Variants in H1-4 observed in about 807,000 individuals in gnomAD.
The protein encoded by H1-4 is histone H1.4.
H1-4 carries 9 observed loss-of-function variants against 7.2 expected under a neutral mutation model. The observed-to-expected ratio is 1.25, with a 90% CI of 0.75 to 2.18. H1-4 has a LOEUF of 2.18. H1-4 is among the 30% of genes most tolerant of loss of function. The probability of loss-of-function intolerance (pLI) is 0.00; values close to 1 mark genes in which losing one functional copy is unlikely to be tolerated. For synonymous variants in H1-4, 318 were observed against 126.6 expected, an observed-to-expected ratio of 2.51 and a Z score of -10.15; for missense variants, 646 against 287.9, an observed-to-expected ratio of 2.24 and a Z score of -9.00.
chr6:26,156,853 C>A lies in H1-4; in HGVS notation c.463C>A (p.Pro155Thr), dbSNP rs1248841418. The A allele has an allele frequency of 6.2e-7, 1 of 1,607,412 alleles. No homozygotes were observed. The highest frequency in any genetic ancestry group is 1.7e-5 in the Admixed American group (1 of 58,562). Residue 155 changes from proline (P) to threonine (T), a missense_variant, in exon 1 of 1, where the codon CCA becomes ACA. By Grantham distance (38) the Pro-to-Thr change is conservative. Coordinates refer to ENST00000304218, the MANE Select transcript of H1-4 (RefSeq NM_005321.3). ...CCCCAAGAAGAGCGCCAAGAAGACC[C>A]CAAAGAAGGCGAAGAAGCCGGCTGC... is the stretch of plus-strand genomic sequence containing the variant. ...ATPKKSAKKTPKKAKKPAAAA... is the reference protein window; with the variant it reads ...ATPKKSAKKTTKKAKKPAAAA...
In H1-4 at chr6:26,156,788, G is replaced by C; in HGVS notation, c.398G>C (p.Gly133Ala). The C allele has an allele frequency of 1.9e-6, 3 of 1,611,840 alleles. No individual in the cohort carries two copies. The highest frequency in any genetic ancestry group is 8.5e-7 in the Non-Finnish European group (1 of 1,179,008). The stretch of plus-strand genomic sequence containing the variant: ...GCGGCCAAGGCCAAGAAGCCAGCAG[G>C]AGCGGCGAAGAAGCCCAAGAAGGCG... ...AGAAKAKKPA[G>A]AAKKPKKATG... The change falls in exon 1 of 1, where the codon GGA becomes GCA. Residue 133 changes from glycine to alanine, a missense_variant. Physicochemically the swap from Gly to Ala is moderately conservative, Grantham distance 60. Coordinates refer to ENST00000304218, the MANE Select transcript of H1-4 (RefSeq NM_005321.3).
rs144176456 is a variant in H1-4 at position 26,156,630 on chromosome 6, C to T, written c.240C>T (p.Ile80=). The T allele has an allele frequency of 1.3e-5, 21 of 1,614,250 alleles. No homozygotes were observed. The highest frequency in any genetic ancestry group is 2.2e-5 in the South Asian group (2 of 91,086). ...GYDVEKNNSR[I]KLGLKSLVSK... is the part of the protein sequence containing the mutation. ...ACGTGGAGAAGAACAACAGCCGCAT[C>T]AAGCTGGGTCTCAAGAGCCTGGTGA... Residue 80 remains isoleucine (I), a synonymous_variant, in exon 1 of 1, where the codon ATC becomes ATT. Coordinates refer to ENST00000304218, the MANE Select transcript of H1-4 (RefSeq NM_005321.3).
Position 26,157,080 on chromosome 6 carries a change from C to T in H1-4, c.*30C>T. ...TTCCTTTGGCCAACTGCTTAGAAGC[C>T]CAACACAACCCAAAGGCTCTTTTCA... On this transcript the variant is annotated 3_prime_UTR_variant, in exon 1 of 1. Coordinates refer to ENST00000304218, the MANE Select transcript of H1-4 (RefSeq NM_005321.3). The T allele has an allele frequency of 6.4e-7, 1 of 1,565,580 alleles. No individual in the cohort carries two copies. The highest frequency in any genetic ancestry group is 8.6e-7 in the Non-Finnish European group (1 of 1,165,496).
Position 26,156,869 on chromosome 6 carries a change from A to C in H1-4, c.479A>C (p.Lys160Thr). 6.2e-7 allele frequency: 1 copy of C among 1,607,848 alleles called. No individual in the cohort carries two copies. The highest frequency in any genetic ancestry group is 8.5e-7 in the Non-Finnish European group (1 of 1,177,860). Residue 160 changes from lysine (K) to threonine (T), a missense_variant, in exon 1 of 1, where the codon AAG becomes ACG. Transcript: ENST00000304218. Reference protein sequence around the residue: ...SAKKTPKKAKKPAAAAGAKKA... With the variant: ...SAKKTPKKAKTPAAAAGAKKA... ...AAGAAGACCCCAAAGAAGGCGAAGAAGCCGGCTGCAGCTGCTGGAGCCAAA... is the reference window on the plus strand; with the variant it reads ...AAGAAGACCCCAAAGAAGGCGAAGACGCCGGCTGCAGCTGCTGGAGCCAAA...
Position 26,156,654 on chromosome 6 carries a change from G to A in H1-4, c.264G>A (p.Val88=), listed in dbSNP as rs200022646. 67 of 1,614,258 alleles carry A rather than the reference G, an allele frequency of 4.2e-5. No individual in the cohort carries two copies. The highest frequency in any genetic ancestry group is 3.4e-5 in the Non-Finnish European group (40 of 1,180,052). The part of the protein sequence containing the change: ...SRIKLGLKSL[V]SKGTLVQTKG... ...TCAAGCTGGGTCTCAAGAGCCTGGT[G>A]AGCAAGGGCACCCTGGTGCAGACCA... is the stretch of plus-strand genomic sequence containing the variant. The change falls in exon 1 of 1, where the codon GTG becomes GTA. Residue 88 remains valine, a synonymous_variant. Coordinates refer to ENST00000304218, the MANE Select transcript of H1-4 (RefSeq NM_005321.3).
Position 26,156,436 on chromosome 6 carries a change from G to T in H1-4, c.46G>T (p.Glu16Ter). The change falls in exon 1 of 1, where the codon GAG becomes TAG. Residue 16 changes from glutamate (E) to a stop codon, truncating the protein, a stop_gained. Coordinates refer to ENST00000304218, the MANE Select transcript of H1-4 (RefSeq NM_005321.3). LOFTEE classifies it high-confidence loss of function. ...PAAPAAPAPAEKTPVKKKARK... is the reference protein window; with the variant it reads ...PAAPAAPAPA ...CGCGCCCGCTGCTCCGGCCCCTGCC[G>T]AGAAGACTCCCGTGAAGAAGAAGGC... The T allele has an allele frequency of 1.2e-6, 2 of 1,607,940 alleles. No homozygotes were observed. The highest frequency in any genetic ancestry group is 1.7e-6 in the Non-Finnish European group (2 of 1,177,166).
In H1-4 at chr6:26,156,487, C is replaced by G; in HGVS notation, c.97C>G (p.Arg33Gly). Residue 33 changes from arginine (R) to glycine (G), a missense_variant, in exon 1 of 1, where the codon CGC (arginine) becomes GGC (glycine). Physicochemically the swap from Arg to Gly is moderately radical, Grantham distance 125. Coordinates refer to ENST00000304218, the MANE Select transcript of H1-4 (RefSeq NM_005321.3). ...CCGCAAGTCTGCAGGTGCGGCCAAGCGCAAAGCGTCTGGGCCCCCGGTGTC... is the reference window on the plus strand; with the variant it reads ...CCGCAAGTCTGCAGGTGCGGCCAAGGGCAAAGCGTCTGGGCCCCCGGTGTC... ...KARKSAGAAK[R>G]KASGPPVSEL... 1.2e-6 allele frequency: 2 copies of G among 1,613,478 alleles called. No individual in the cohort carries two copies. The highest frequency in any genetic ancestry group is 1.7e-6 in the Non-Finnish European group (2 of 1,179,898).
rs1388857403 is a variant in H1-4, at chr6:26,156,427, G to T, written c.37G>T (p.Ala13Ser). The T allele has an allele frequency of 1.9e-6, 3 of 1,602,174 alleles. No homozygotes were observed. Among genetic ancestry groups the T allele is most frequent in the Non-Finnish European group, 2.6e-6 (3 of 1,173,996 alleles). The change falls in exon 1 of 1, where the codon GCC (alanine) becomes TCC (serine). Residue 13 changes from alanine to serine, a missense_variant. Transcript: ENST00000304218. ...ETAPAAPAAPAPAEKTPVKKK... is the reference protein window; with the variant it reads ...ETAPAAPAAPSPAEKTPVKKK... ...TGCGCCTGCCGCGCCCGCTGCTCCG[G>T]CCCCTGCCGAGAAGACTCCCGTGAA... is the stretch of plus-strand genomic sequence containing the variant.
chr6:26,156,330 G>C lies in H1-4; in HGVS notation c.-61G>C, dbSNP rs1056373336. 1.3e-5 allele frequency: 19 copies of C among 1,446,896 alleles called. No homozygotes were observed. Among genetic ancestry groups the C allele is most frequent in the African/African-American group, 1.4e-5 (1 of 70,466 alleles). 89.6% of individuals were successfully genotyped at this position (1,446,896 alleles called of 1,614,324 possible). A position where few individuals can be genotyped will look rare whatever the true frequency, so the allele number is the denominator to read the frequency against. On this transcript the variant is annotated 5_prime_UTR_variant, in exon 1 of 1. Coordinates refer to ENST00000304218, the MANE Select transcript of H1-4 (RefSeq NM_005321.3). ...ACGGGCGGGCGCAGCGCCGCGGCTCGAGTCCCGGCCAGTGCCTCTGCTTCC... is the reference window on the plus strand; with the variant it reads ...ACGGGCGGGCGCAGCGCCGCGGCTCCAGTCCCGGCCAGTGCCTCTGCTTCC...
In H1-4 at chr6:26,156,518, T is replaced by G. The variant is rs954509244; in HGVS notation, c.128T>G (p.Leu43Arg). 3 of 1,613,618 alleles carry G rather than the reference T, an allele frequency of 1.9e-6. No homozygotes were observed. Among genetic ancestry groups the G allele is most frequent in the African/African-American group, 2.7e-5 (2 of 74,866 alleles). The change falls in exon 1 of 1, where the codon CTC becomes CGC. Residue 43 changes from leucine (L) to arginine (R), a missense_variant. Coordinates refer to ENST00000304218, the MANE Select transcript of H1-4 (RefSeq NM_005321.3). ...GCGTCTGGGCCCCCGGTGTCCGAGCTCATTACTAAAGCTGTTGCCGCCTCC... is the reference window on the plus strand; with the variant it reads ...GCGTCTGGGCCCCCGGTGTCCGAGCGCATTACTAAAGCTGTTGCCGCCTCC... ...RKASGPPVSE[L>R]ITKAVAASKE...
In H1-4 at chr6:26,156,998, C is replaced by A. The variant is rs1049346113; in HGVS notation, c.608C>A (p.Thr203Asn). ...AAACCCAAGGCGGCTAAACCAAAGA[C>A]CGCCAAGCCCAAGGCAGCCAAGCCA... is the stretch of plus-strand genomic sequence containing the variant. ...AVKPKAAKPKTAKPKAAKPKK... is the reference protein window; with the variant it reads ...AVKPKAAKPKNAKPKAAKPKK... Residue 203 changes from threonine (T) to asparagine (N), a missense_variant, in exon 1 of 1, where the codon ACC becomes AAC. Physicochemically the swap from Thr to Asn is moderately conservative, Grantham distance 65. Coordinates refer to ENST00000304218, the MANE Select transcript of H1-4 (RefSeq NM_005321.3). The A allele has an allele frequency of 6.3e-7, 1 of 1,599,920 alleles. No homozygotes were observed. Among genetic ancestry groups the A allele is most frequent in the East Asian group, 2.2e-5 (1 of 44,828 alleles).
rs753820303 is a variant in H1-4 at position 26,156,487 on chromosome 6, C to T, written c.97C>T (p.Arg33Cys). The T allele has an allele frequency of 8.1e-6, 13 of 1,613,360 alleles. No individual in the cohort carries two copies. The highest frequency in any genetic ancestry group is 2.2e-5 in the East Asian group (1 of 44,878). The part of the protein sequence containing the change: ...KARKSAGAAK[R>C]KASGPPVSEL... ...CCGCAAGTCTGCAGGTGCGGCCAAG[C>T]GCAAAGCGTCTGGGCCCCCGGTGTC... The change falls in exon 1 of 1, where the codon CGC (arginine) becomes TGC (cysteine). Residue 33 changes from arginine to cysteine, a missense_variant. Transcript: ENST00000304218.
rs1247226544 is a variant in H1-4 at position 26,156,581 on chromosome 6, A to G, written c.191A>G (p.Lys64Arg). 6.2e-7 allele frequency: 1 copy of G among 1,614,184 alleles called. No individual in the cohort carries two copies. Among genetic ancestry groups the G allele is most frequent in the South Asian group, 1.1e-5 (1 of 91,092 alleles). ...GGCGTATCTTTGGCCGCTCTCAAGA[A>G]AGCGCTGGCAGCCGCTGGCTATGAC... ...RSGVSLAALK[K>R]ALAAAGYDVE... is the part of the protein sequence containing the mutation. The change falls in exon 1 of 1, where the codon AAA becomes AGA. Residue 64 changes from lysine (K) to arginine (R), a missense_variant. Transcript: ENST00000304218.
chr6:26,156,815 C>A lies in H1-4; in HGVS notation c.425C>A (p.Thr142Lys). Residue 142 changes from threonine (T) to lysine (K), a missense_variant, in exon 1 of 1, where the codon ACG (threonine) becomes AAG (lysine). Physicochemically the swap from Thr to Lys is moderately conservative, Grantham distance 78. Transcript: ENST00000304218. ...AGAAKKPKKA[T>K]GAATPKKSAK... Reference sequence around the variant, plus strand: ...GCGGCGAAGAAGCCCAAGAAGGCGACGGGGGCGGCCACCCCCAAGAAGAGC... The same window carrying A: ...GCGGCGAAGAAGCCCAAGAAGGCGAAGGGGGCGGCCACCCCCAAGAAGAGC... 3.7e-6 allele frequency: 6 copies of A among 1,607,360 alleles called. No individual in the cohort carries two copies. The highest frequency in any genetic ancestry group is 5.1e-6 in the Non-Finnish European group (6 of 1,177,018).
Position 26,156,693 on chromosome 6 carries a change from G to A in H1-4, c.303G>A (p.Ala101=). The A allele has an allele frequency of 6.2e-7, 1 of 1,614,208 alleles. No individual in the cohort carries two copies. The highest frequency in any genetic ancestry group is 8.5e-7 in the Non-Finnish European group (1 of 1,180,044). Residue 101 remains alanine (A), a synonymous_variant, in exon 1 of 1, where the codon GCG becomes GCA. Transcript: ENST00000304218. ...TGGTGCAGACCAAGGGCACCGGCGC[G>A]TCGGGTTCCTTCAAACTCAACAAGA... ...GTLVQTKGTG[A]SGSFKLNKKA...
In H1-4 at chr6:26,156,448, G is replaced by C. The variant is rs749801188; in HGVS notation, c.58G>C (p.Val20Leu). The part of the protein sequence containing the change: ...AAPAPAEKTP[V>L]KKKARKSAGA... ...TCCGGCCCCTGCCGAGAAGACTCCC[G>C]TGAAGAAGAAGGCCCGCAAGTCTGC... is the stretch of plus-strand genomic sequence containing the variant. The change falls in exon 1 of 1, where the codon GTG becomes CTG. Residue 20 changes from valine (V) to leucine (L), a missense_variant. By Grantham distance (32) the Val-to-Leu change is conservative (BLOSUM62 1). Coordinates refer to ENST00000304218, the MANE Select transcript of H1-4 (RefSeq NM_005321.3). 1.9e-6 allele frequency: 3 copies of C among 1,611,132 alleles called. No homozygotes were observed. Among genetic ancestry groups the C allele is most frequent in the African/African-American group, 2.7e-5 (2 of 74,948 alleles).
Position 26,156,375 on chromosome 6 carries a change from C to A in H1-4, c.-16C>A, listed in dbSNP as rs371861388. ...GCTTCCGGCTCGAATTGCTCTCGCTCACGCTTGCCTTCAACATGTCCGAGA... is the reference window on the plus strand; with the variant it reads ...GCTTCCGGCTCGAATTGCTCTCGCTAACGCTTGCCTTCAACATGTCCGAGA... On this transcript the variant is annotated 5_prime_UTR_variant, in exon 1 of 1. Coordinates refer to ENST00000304218, the MANE Select transcript of H1-4 (RefSeq NM_005321.3). The A allele has an allele frequency of 4.6e-6, 7 of 1,537,914 alleles. No individual in the cohort carries two copies. The African/African-American group carries it at 9.7e-5, about 21-fold the overall frequency.
At position 26,156,881 on chromosome 6, in the gene H1-4, C is replaced by G. The variant is rs576653028; in HGVS notation, c.491C>G (p.Ala164Gly). The stretch of plus-strand genomic sequence containing the variant: ...AAGAAGGCGAAGAAGCCGGCTGCAG[C>G]TGCTGGAGCCAAAAAAGCGAAAAGC... ...TPKKAKKPAA[A>G]AGAKKAKSPK... The change falls in exon 1 of 1, where the codon GCT becomes GGT. Residue 164 changes from alanine (A) to glycine (G), a missense_variant. Transcript: ENST00000304218. The G allele has an allele frequency of 5.0e-6, 8 of 1,608,652 alleles. No individual in the cohort carries two copies. Among genetic ancestry groups the G allele is most frequent in the Admixed American group, 1.7e-5 (1 of 58,996 alleles).
rs751273848 is a variant in H1-4 at position 26,156,346 on chromosome 6, C to A, written c.-45C>A. 1 of 1,504,442 alleles carries A rather than the reference C, an allele frequency of 6.6e-7. No homozygotes were observed. 93.2% of individuals were successfully genotyped at this position (1,504,442 alleles called of 1,614,324 possible). ...CCGCGGCTCGAGTCCCGGCCAGTGC[C>A]TCTGCTTCCGGCTCGAATTGCTCTC... On this transcript the variant is annotated 5_prime_UTR_variant, in exon 1 of 1. Transcript: ENST00000304218.
Sources: allele counts gnomAD v4.1 joint callset, GRCh38; gene constraint gnomAD v4.1.1; transcripts MANE v1.5; gene names NCBI Gene and HGNC (gene_info 2026-07-23, HGNC 2026-07-21).